ZMYND11: variants seen among roughly 807,000 people sequenced by gnomAD.
ZMYND11 encodes the protein zinc finger MYND-type containing 11.
In ZMYND11, 9 loss-of-function variants were observed where a neutral mutation model predicts 84.9. That is an observed-to-expected ratio of 0.11 (90% CI 0.06 to 0.18). The LOEUF is 0.18. ZMYND11 is among the 10% of genes least tolerant of loss of function. The probability of loss-of-function intolerance (pLI) is 1.00; values close to 1 mark genes in which losing one functional copy is unlikely to be tolerated. For synonymous variants in ZMYND11, 250 were observed against 244.1 expected (o/e 1.02, Z -0.23); for missense variants, 409 against 761.0 (o/e 0.54, Z 5.44).
At chr10:220,177 TAAC>T (rs1564403920) in intron 3 of ZMYND11, among the ~76,000 whole-genome samples, 1 of 152,148 alleles carries the variant, frequency 6.6e-6, no homozygotes, top group Non-Finnish European at 1.5e-5. Flanking sequence ...ACCGTATAGA[TAAC>T]AATTTATAGA....
chr10:142,922 T>A (rs929591429), intron 1 of ZMYND11, among the ~76,000 whole-genome samples: 7 of 152,254 alleles, frequency 4.6e-5, no homozygotes, highest in South Asian at 2.1e-4. Context: ...ATTAGGAAGA[T>A]AACTTGGTTC....
intron 2 of ZMYND11, among the ~76,000 whole-genome samples, chr10:200,216 G>GTGTGTGTGTGTGTGTGTA (rs1942821051): frequency 7.0e-6 from 1 of 143,158 alleles, no homozygotes; most frequent in Non-Finnish European, 1.5e-5. Flanking sequence ...GTGTGTGTGT[G>GTGTGTGTGTGTGTGTGTA]TGTGTGTGTA....
intron 9 of ZMYND11, among the ~76,000 whole-genome samples, chr10:241,255 A>AGCCTTGACCTCCTCCAGGCTC (rs1317667178): frequency 1.3e-5 from 2 of 152,140 alleles, no homozygotes; most frequent in Non-Finnish European, 1.5e-5. Context: ...AGCTCACCGT[A>AGCCTTGACCTCCTCCAGGCTC]GCCTTGACCT....
intron 6 of ZMYND11, among the ~76,000 whole-genome samples, chr10:237,974 C>T (rs111963238): frequency 3.3e-5 from 5 of 152,212 alleles, no homozygotes; most frequent in African/African-American, 1.2e-4. Flanking sequence ...ACAGCCTGGG[C>T]AATTTAGCAT....
chr10:200,748 C>G (rs1245161892), intron 2 of ZMYND11, among the ~76,000 whole-genome samples: 1 of 152,018 alleles, frequency 6.6e-6, no homozygotes, highest in East Asian at 1.9e-4. Flanking sequence ...TGTCTTGATG[C>G]CTCTTTACTA....
chr10:132,914 A>G (rs1554750197), upstream of ZMYND11, among the ~76,000 whole-genome samples: 1 of 152,200 alleles, frequency 6.6e-6, no homozygotes, highest in Non-Finnish European at 1.5e-5. Flanking sequence ...AAGGAGAATC[A>G]AGAAGTAAAA....
At chr10:233,222 T>TG (rs1554785688) in intron 4 of ZMYND11, among the ~76,000 whole-genome samples, 1 of 152,054 alleles carries the variant, frequency 6.6e-6, no homozygotes, top group East Asian at 1.9e-4. Flanking sequence ...TCCTTTGAGG[T>TG]AAAATTCACA....
intron 4 of ZMYND11, among the ~76,000 whole-genome samples, chr10:225,859 C>G (rs1948029372): frequency 6.6e-6 from 1 of 152,150 alleles, no homozygotes; most frequent in Non-Finnish European, 1.5e-5. Context: ...CCCTGGGCAG[C>G]CAGCCTGCTG....
intron 2 of ZMYND11, among the ~76,000 whole-genome samples, chr10:203,930 A>G (rs1179748953): frequency 1.3e-5 from 2 of 152,154 alleles, no homozygotes; most frequent in South Asian, 2.1e-4. Flanking sequence ...CTTAACACCT[A>G]TAACATTGCT....
At chr10:132,897 A>G (rs1835349757), upstream of ZMYND11, among the ~76,000 whole-genome samples, 1 of 152,164 alleles carries the variant, frequency 6.6e-6, no homozygotes, top group Non-Finnish European at 1.5e-5. Flanking sequence ...AAACTCACCA[A>G]TGCAAAAAGG....
chr10:166,122 C>T (rs1379440669), intron 1 of ZMYND11, among the ~76,000 whole-genome samples: 1 of 152,078 alleles, frequency 6.6e-6, no homozygotes, highest in Non-Finnish European at 1.5e-5. Context: ...GTGTCAGTAA[C>T]CTAAATATAA....
intron 2 of ZMYND11, among the ~76,000 whole-genome samples, chr10:187,550 G>T (rs548047216): frequency 3.9e-5 from 6 of 151,954 alleles, no homozygotes; most frequent in South Asian, 2.1e-4. Flanking sequence ...AGGAGAATGG[G>T]GTGAACCCGG....
chr10:248,347 T>G lies in ZMYND11; in HGVS notation c.1239T>G (p.Pro413=). ...GTCTCACCTTTTAGGAACCAGAGCC[T>G]GAAACAGAAGCAGTAAGTTCTAGCC... is the stretch of plus-strand genomic sequence containing the variant. ...SVEPKKEEPE[P]ETEAVSSSQE... The change falls in exon 13 of 15, where the codon CCT becomes CCG. Residue 413 remains proline, a synonymous_variant. Transcript: ENST00000381604. 1 of 1,613,534 alleles carries G rather than the reference T, an allele frequency of 6.2e-7. No individual in the cohort carries two copies.
chr10:134,933 G>A (rs1835529342), upstream of ZMYND11: 1 of 150,142 alleles, frequency 6.7e-6, no homozygotes, highest in Non-Finnish European at 1.5e-5. Context: ...GGCGGGAGGC[G>A]GCCGCGAGCC....
upstream of ZMYND11, chr10:135,162 C>G (rs1457593045): frequency 6.7e-6 from 1 of 150,012 alleles, no homozygotes; most frequent in African/African-American, 2.4e-5. The surrounding 1 kb of genome is among the most constrained non-coding windows in gnomAD (Gnocchi z 5.6). Flanking sequence ...TCCCGCCGCC[C>G]GCTCCGGCCC....
At chr10:241,044 A>T (rs1950810435) in intron 9 of ZMYND11, 74 bp downstream of exon 9, 5 of 1,222,770 alleles carry the variant, frequency 4.1e-6, no homozygotes, top group Admixed American at 2.2e-5. Flanking sequence ...GTTAAAGATT[A>T]TAATTTTCTT....
intron 2 of ZMYND11, among the ~76,000 whole-genome samples, chr10:207,241 A>T (rs1202026073): frequency 2.0e-5 from 3 of 152,178 alleles, no homozygotes; most frequent in African/African-American, 4.8e-5. Context: ...TCTATCACTC[A>T]TGGACATTTG....
At chr10:153,674 T>C (rs1237248042) in intron 1 of ZMYND11, among the ~76,000 whole-genome samples, 2 of 152,248 alleles carry the variant, frequency 1.3e-5, no homozygotes, top group African/African-American at 2.4e-5. Flanking sequence ...ATCATAGTTA[T>C]GCAGTGAATT....
At chr10:144,496 A>G (rs529546011) in intron 1 of ZMYND11, among the ~76,000 whole-genome samples, 5 of 152,222 alleles carry the variant, frequency 3.3e-5, no homozygotes, top group African/African-American at 1.2e-4. Context: ...TGTTGGGATT[A>G]CAGATGTGAG....
Sources: allele counts gnomAD v4.1 joint callset (sites outside exome capture counted in the v4.1 genomes callset), GRCh38; gene constraint gnomAD v4.1.1; non-coding constraint Gnocchi (gnomAD v3.1); transcripts MANE v1.5; gene names NCBI Gene and HGNC (gene_info 2026-07-23, HGNC 2026-07-21).